Variants in JADE2 observed in about 807,000 individuals in gnomAD.
JADE2 encodes the protein jade family PHD finger 2, also known as E3 ubiquitin-protein ligase Jade-2.
JADE2 carries 13 observed loss-of-function variants against 85.7 expected under a neutral mutation model. The observed-to-expected ratio is 0.15, with a 90% CI of 0.10 to 0.24. The LOEUF is 0.24. Among genes scored for constraint, JADE2 ranks in the 10% least tolerant of loss-of-function variants. The pLI is 1.00. For missense variants in JADE2, 846 were observed against 1,115.9 expected, an observed-to-expected ratio of 0.76 and a Z score of 3.45; for synonymous variants, 440 against 456.1, an observed-to-expected ratio of 0.96 and a Z score of 0.45.
chr5:134,537,656 G>C (rs985473796), intron 2 of JADE2, among the ~76,000 whole-genome samples: 1 of 152,154 alleles, frequency 6.6e-6, no homozygotes, highest in East Asian at 1.9e-4. Context: ...GGGCAGGGTG[G>C]AGTGTGGGCA....
chr5:134,564,734 G>A (rs1244657116), intron 8 of JADE2, 124 bp downstream of exon 8: 6 of 591,514 alleles, frequency 1.0e-5, no homozygotes, highest in Admixed American at 3.5e-5. Flanking sequence ...CCCCAGAGGG[G>A]TGTGGGACTG....
At position 134,578,879 on chromosome 5, in the gene JADE2, G is replaced by A. The variant is rs533024276; in HGVS notation, c.2067G>A (p.Arg689=). The A allele has an allele frequency of 3.1e-6, 5 of 1,613,826 alleles. No individual in the cohort carries two copies. In the South Asian group the frequency reaches 4.4e-5, roughly 14 times the overall value. The change falls in exon 12 of 12, where the codon AGG becomes AGA. Residue 689 remains arginine (R), a synonymous_variant. Coordinates refer to ENST00000681547, the MANE Select transcript of JADE2 (RefSeq NM_001388185.1). This position sits in a 1 kb window ranked among gnomAD's most constrained non-coding sequence, Gnocchi z 4.4. ...SGKGGQGPPT[R]KPPRRTSSHL... ...AGGGGGGTCAAGGGCCACCTACCAG[G>A]AAGCCACCACGTCGGACATCTTCTC...
chr5:134,564,464 G>A lies in JADE2; in HGVS notation c.853-30G>A, dbSNP rs755952120. The A allele has an allele frequency of 2.8e-6, 4 of 1,449,768 alleles. No individual in the cohort carries two copies. In the East Asian group the frequency reaches 9.6e-5, roughly 35 times the overall value. The allele number at this position is 1,449,768 out of a possible 1,614,324, so 89.8% of individuals were successfully genotyped here. On this transcript the variant is annotated intron_variant, in intron 7 of 11. Coordinates refer to ENST00000681547, the MANE Select transcript of JADE2 (RefSeq NM_001388185.1). Reference sequence around the variant, plus strand: ...CCTGGAGGCAGGCTGGGGATGAGAGGAATGATGCAGCCCCCTGTGTCCTGC... The same window carrying A: ...CCTGGAGGCAGGCTGGGGATGAGAGAAATGATGCAGCCCCCTGTGTCCTGC...
rs2150032267 is a variant in JADE2 at position 134,578,666 on chromosome 5, G to A, written c.1854G>A (p.Glu618=). 4.3e-6 allele frequency: 7 copies of A among 1,614,106 alleles called. No individual in the cohort carries two copies. The East Asian group carries it at 1.3e-4, about 31-fold the overall frequency. ...CAGAGGAACTGCTGCAGGACGAGGA[G>A]ACACTGCTCAGCTTCATGCGGGACC... ...LLSEELLQDE[E]TLLSFMRDPS... is the part of the protein sequence containing the mutation. The change falls in exon 12 of 12, where the codon GAG becomes GAA. Residue 618 remains glutamate (E), a synonymous_variant. Coordinates refer to ENST00000681547, the MANE Select transcript of JADE2 (RefSeq NM_001388185.1). This position sits in a 1 kb window ranked among gnomAD's most constrained non-coding sequence, Gnocchi z 4.4.
chr5:134,561,085 G>GGTGTT, intron 6 of JADE2, 128 bp downstream of exon 6: 1 of 777,054 alleles, frequency 1.3e-6, no homozygotes. Flanking sequence ...AGGGAATGGT[G>GGTGTT]AGGATGCTTC....
chr5:134,548,935 A>G (rs1449616983), intron 3 of JADE2, among the ~76,000 whole-genome samples: 1 of 152,168 alleles, frequency 6.6e-6, no homozygotes, highest in Non-Finnish European at 1.5e-5. Flanking sequence ...CATCCTGCTT[A>G]TGGGGGTTCA....
At chr5:134,568,730 C>A (rs1346924599) in intron 9 of JADE2, among the ~76,000 whole-genome samples, 1 of 152,260 alleles carries the variant, frequency 6.6e-6, no homozygotes. Context: ...AACCATGAGC[C>A]AAGCTGACCC....
In JADE2 at chr5:134,525,891, C is replaced by A; in HGVS notation, c.-121C>A. The stretch of plus-strand genomic sequence containing the variant: ...CGCCGCGACCCCGGATGGATGCGCG[C>A]CCCCCGCCCTCCCGCGCCGGCCCCA... On this transcript the variant is annotated 5_prime_UTR_variant, in exon 1 of 12. Coordinates refer to ENST00000681547, the MANE Select transcript of JADE2 (RefSeq NM_001388185.1). 1.0e-6 allele frequency: 1 copy of A among 985,592 alleles called. No individual in the cohort carries two copies. The highest frequency in any genetic ancestry group is 1.2e-6 in the Non-Finnish European group (1 of 830,158). 61.1% of individuals were successfully genotyped at this position (985,592 alleles called of 1,614,324 possible).
In JADE2 at chr5:134,527,110, GC is replaced by G. The variant is rs1416316401; in HGVS notation, c.-1+1104del. Among the ~76,000 whole-genome samples the G allele has an allele frequency of 5.7e-4, 87 of 152,154 alleles. 1 individual carries two copies. Among genetic ancestry groups the G allele is most frequent in the African/African-American group, 1.9e-3 (80 of 41,534 alleles). Reference sequence around the variant, plus strand: ...TGACTCTCAAATGAGTGACATTGCAGCCCCCGCCCCCACCTAGCGCTGCTGC... The same window carrying G: ...TGACTCTCAAATGAGTGACATTGCAGCCCCGCCCCCACCTAGCGCTGCTGC... On this transcript the variant is annotated intron_variant, in intron 1 of 11. Transcript: ENST00000681547.
chr5:134,573,583 G>C, intron 9 of JADE2, 62 bp from the exon 10 acceptor site: 1 of 1,181,356 alleles, frequency 8.5e-7, no homozygotes, highest in Admixed American at 1.7e-5. Context: ...AAGGTCCCCA[G>C]AGCTGGGAGG....
chr5:134,571,847 G>A (rs540238102), intron 9 of JADE2, among the ~76,000 whole-genome samples: 120 of 152,306 alleles, frequency 7.9e-4, no homozygotes, highest in African/African-American at 2.6e-3. Context: ...CCCCAGCCTG[G>A]CCTGGCTTGG....
At chr5:134,534,642 T>G (rs1298569443) in intron 1 of JADE2, among the ~76,000 whole-genome samples, 2 of 152,120 alleles carry the variant, frequency 1.3e-5, no homozygotes, top group Non-Finnish European at 1.5e-5. Flanking sequence ...TCAGCAGGAA[T>G]GGACTGGGGT....
chr5:134,542,709 T>A (rs936437609), intron 3 of JADE2, among the ~76,000 whole-genome samples: 4 of 152,046 alleles, frequency 2.6e-5, no homozygotes, highest in Admixed American at 2.6e-4. Flanking sequence ...CCCAGAGTGC[T>A]GGGATTACAA....
In JADE2 at chr5:134,535,953, T is replaced by C. The variant is rs374652042; in HGVS notation, c.58+38T>C. 132 of 1,576,618 alleles carry C rather than the reference T, an allele frequency of 8.4e-5. No homozygotes were observed. In the Middle Eastern group the frequency reaches 1.2e-3, roughly 14 times the overall value. On this transcript the variant is annotated intron_variant, in intron 2 of 11. Transcript: ENST00000681547. ...AGTTTGGGCTCCTACAGGGAAAGCA[T>C]TTGAACAGTGATCAGGCCCACAGGC...
upstream of JADE2, chr5:134,525,557 A>T (rs1259184452): frequency 2.1e-6 from 1 of 468,734 alleles, no homozygotes; most frequent in Non-Finnish European, 3.3e-6. Flanking sequence ...GAATAAGAAA[A>T]AAGTGGCTAC....
Position 134,582,210 on chromosome 5 carries a change from T to G in JADE2, c.*2893T>G, listed in dbSNP as rs1220704287. 1 of 152,284 alleles carries G rather than the reference T, an allele frequency of 6.6e-6. No homozygotes were observed. Among genetic ancestry groups the G allele is most frequent in the African/African-American group, 2.4e-5 (1 of 41,478 alleles). The allele number at this position is 152,284 out of a possible 1,614,324, so 9.4% of individuals were successfully genotyped here. A position where few individuals can be genotyped will look rare whatever the true frequency, so the allele number is the denominator to read the frequency against. ...AAAGTATTTTTATGTATCATAAATGTATTTTGAAACAAATGAGAAGAAGAA... is the reference window on the plus strand; with the variant it reads ...AAAGTATTTTTATGTATCATAAATGGATTTTGAAACAAATGAGAAGAAGAA... On this transcript the variant is annotated 3_prime_UTR_variant, in exon 12 of 12. Transcript: ENST00000681547.
chr5:134,576,778 G>A lies in JADE2; in HGVS notation c.1563G>A (p.Gly521=). The A allele has an allele frequency of 6.4e-7, 1 of 1,550,632 alleles. No individual in the cohort carries two copies. Among genetic ancestry groups the A allele is most frequent in the Non-Finnish European group, 8.7e-7 (1 of 1,147,000 alleles). The change falls in exon 11 of 12, where the codon GGG becomes GGA. Residue 521 remains glycine (G), a synonymous_variant. Transcript: ENST00000681547. ...CTTTCCCTGACACAGAGCGGTCTGG[G>A]AGGAGAGCAAAGGGCAAGAAGAGTG... The part of the protein sequence containing the change: ...IEQDLCRERS[G]RRAKGKKSDS...
At chr5:134,533,427 G>T in intron 1 of JADE2, 1 of 482,056 alleles carries the variant, frequency 2.1e-6, no homozygotes, top group Non-Finnish European at 2.7e-6. Flanking sequence ...CCTCTGGGAG[G>T]TATGTCTTTC....
rs1762643932 is a variant in JADE2 at position 134,552,361 on chromosome 5, T to C, written c.311+152T>C. 8 of 819,884 alleles carry C rather than the reference T, an allele frequency of 9.8e-6. No individual in the cohort carries two copies. In the Middle Eastern group the frequency reaches 1.5e-3, roughly 150 times the overall value. 50.8% of individuals were successfully genotyped at this position (819,884 alleles called of 1,614,324 possible). The stretch of plus-strand genomic sequence containing the variant: ...CCTTTTCCAACAAACCATTGAAATG[T>C]TCCAGAAATACTGGTGGTTTAACTG... On this transcript the variant is annotated intron_variant, in intron 4 of 11. Coordinates refer to ENST00000681547, the MANE Select transcript of JADE2 (RefSeq NM_001388185.1).
Sources: gnomAD v4.1 joint callset for allele counts (sites outside exome capture counted in the v4.1 genomes callset) on GRCh38, gnomAD v4.1.1 for gene constraint, Gnocchi (gnomAD v3.1) non-coding constraint, MANE v1.5 for transcripts, NCBI Gene and HGNC (gene_info 2026-07-23, HGNC 2026-07-21) for gene names.